DLGAP1: variants seen among roughly 807,000 people sequenced by gnomAD.
DLGAP1 encodes the protein disks large-associated protein 1.
DLGAP1 carries 11 observed loss-of-function variants against 90.8 expected under a neutral mutation model. The observed-to-expected ratio is 0.12, with a 90% CI of 0.08 to 0.20. DLGAP1 has a LOEUF of 0.20. Ranked by LOEUF, DLGAP1 falls within the 10% of genes least tolerant of loss-of-function variation. The pLI, the probability that DLGAP1 is intolerant of heterozygous loss-of-function variation, is 1.00. For synonymous variants in DLGAP1, 558 were observed against 540.7 expected (o/e 1.03, Z -0.44); for missense variants, 1,050 against 1,333.8 (o/e 0.79, Z 3.31).
At chr18:4,278,948 C>T (rs2079484208) in intron 1 of DLGAP1, among the ~76,000 whole-genome samples, 1 of 152,116 alleles carries the variant, frequency 6.6e-6, no homozygotes, top group Non-Finnish European at 1.5e-5. Context: ...CTTAAAATAC[C>T]TCTTCCTCTA....
chr18:3,856,112 T>A (rs9944918), intron 4 of DLGAP1, among the ~76,000 whole-genome samples: 2 of 152,196 alleles, frequency 1.3e-5, no homozygotes, highest in Non-Finnish European at 2.9e-5. Flanking sequence ...TTTGCATGAC[T>A]GTTGGCCTGG....
In DLGAP1 at chr18:4,100,409, A is replaced by C. The variant is rs866433365; in HGVS notation, c.-159+50771T>G. On this transcript the variant is annotated intron_variant, in intron 2 of 12. Transcript: ENST00000315677. Reference sequence around the variant, plus strand: ...CAACAGTGGGCTTGAAATATTCAGTAAGCCATGTTGTAATCAGATATGCTT... The same window carrying C: ...CAACAGTGGGCTTGAAATATTCAGTCAGCCATGTTGTAATCAGATATGCTT... Among the ~76,000 whole-genome samples, 6 of 152,310 alleles carry C rather than the reference A, an allele frequency of 3.9e-5. No individual in the cohort carries two copies. The South Asian group carries it at 6.2e-4, about 16-fold the overall frequency.
intron 5 of DLGAP1, among the ~76,000 whole-genome samples, chr18:3,807,961 T>A (rs1209220230): frequency 6.6e-6 from 1 of 152,172 alleles, no homozygotes; most frequent in East Asian, 1.9e-4. Context: ...AGTAATTATA[T>A]AGCAAGAAAC....
intron 2 of DLGAP1, among the ~76,000 whole-genome samples, chr18:4,125,141 G>A (rs2076212994): frequency 6.6e-6 from 1 of 152,188 alleles, no homozygotes. Flanking sequence ...AAAAAGCACA[G>A]TACCAGGCAT....
chr18:3,618,870 C>T (rs897113775), intron 7 of DLGAP1, among the ~76,000 whole-genome samples: 70 of 149,606 alleles, frequency 4.7e-4, no homozygotes, highest in African/African-American at 1.6e-3. Context: ...ACCTGGGAAG[C>T]GGAGCTGGCA....
intron 12 of DLGAP1, among the ~76,000 whole-genome samples, chr18:3,501,473 TGGAAACGGG>T (rs772146840): frequency 1.3e-5 from 2 of 152,168 alleles, no homozygotes; most frequent in Non-Finnish European, 2.9e-5. Flanking sequence ...GTGACAGAAT[TGGAAACGGG>T]GGACAGTGAT....
At chr18:4,432,531 GAT>G (rs1182679240) in intron 1 of DLGAP1, among the ~76,000 whole-genome samples, 3 of 151,068 alleles carry the variant, frequency 2.0e-5, no homozygotes, top group Non-Finnish European at 2.9e-5. Context: ...TTGATGTTTT[GAT>G]ATATGTGTCC....
chr18:3,547,557 AC>A (rs1292482307), intron 9 of DLGAP1, among the ~76,000 whole-genome samples: 1 of 151,354 alleles, frequency 6.6e-6, no homozygotes, highest in Non-Finnish European at 1.5e-5. Context: ...GATCCACACC[AC>A]AATGACATGC....
intron 2 of DLGAP1, among the ~76,000 whole-genome samples, chr18:4,012,795 G>A (rs934326532): frequency 6.7e-6 from 1 of 150,072 alleles, no homozygotes; most frequent in African/African-American, 2.5e-5. Flanking sequence ...GGCTCATGGT[G>A]TCAAAGGATC....
chr18:4,391,211 A>G (rs1223873260), intron 1 of DLGAP1, among the ~76,000 whole-genome samples: 1 of 152,144 alleles, frequency 6.6e-6, no homozygotes, highest in African/African-American at 2.4e-5. Flanking sequence ...GTTTTTCAAC[A>G]GCACTGAGCA....
chr18:4,293,959 T>C (rs2079912416), intron 1 of DLGAP1: 2 of 152,210 alleles, frequency 1.3e-5, no homozygotes, highest in Admixed American at 1.3e-4. Flanking sequence ...GTATTCTACT[T>C]CTTTCTCCCA....
In DLGAP1 at chr18:3,934,513, CAG is replaced by C. The variant is rs572044923; in HGVS notation, c.-72-54375_-72-54374del. Among the ~76,000 whole-genome samples, 480 of 148,676 alleles carry C rather than the reference CAG, an allele frequency of 3.2e-3. 5 individuals carry two copies. The highest frequency in any genetic ancestry group is 0.014 in the Middle Eastern group (4 of 286). On this transcript the variant is annotated intron_variant, in intron 3 of 12. Coordinates refer to ENST00000315677, the MANE Select transcript of DLGAP1 (RefSeq NM_004746.4). ...GCAGGGAGATAAGAAGAGTGGCAGA[CAG>C]AGAGAGAGAGAGAGAATAATACGTA... is the stretch of plus-strand genomic sequence containing the variant.
At chr18:3,734,165 T>C (rs2062551747) in intron 6 of DLGAP1, among the ~76,000 whole-genome samples, 1 of 152,182 alleles carries the variant, frequency 6.6e-6, no homozygotes, top group Non-Finnish European at 1.5e-5. Flanking sequence ...GGGACTTCTA[T>C]TATCTGTATG....
intron 7 of DLGAP1, among the ~76,000 whole-genome samples, chr18:3,664,213 CACACCCA>C (rs1567923414): frequency 3.8e-4 from 38 of 98,932 alleles, no homozygotes; most frequent in African/African-American, 1.7e-3. Context: ...CACACACACA[CACACCCA>C]CACACACACA....
chr18:4,054,313 AT>A (rs539444103), intron 2 of DLGAP1, among the ~76,000 whole-genome samples: 45 of 152,050 alleles, frequency 3.0e-4, no homozygotes, highest in Non-Finnish European at 2.5e-4. Flanking sequence ...TTTAGAATTG[AT>A]TTTTTTTCTC....
At chr18:4,176,367 G>T (rs1394306283) in intron 1 of DLGAP1, among the ~76,000 whole-genome samples, 1 of 152,132 alleles carries the variant, frequency 6.6e-6, no homozygotes, top group Non-Finnish European at 1.5e-5. Context: ...TAGTCATACA[G>T]CACCTCCACA....
intron 10 of DLGAP1, among the ~76,000 whole-genome samples, chr18:3,514,442 G>C (rs1299799367): frequency 6.6e-6 from 1 of 152,182 alleles, no homozygotes. Flanking sequence ...ACCTCTGACT[G>C]GCTCCCCGTG....
chr18:3,865,646 A>G (rs542955030), intron 4 of DLGAP1, among the ~76,000 whole-genome samples: 37 of 152,338 alleles, frequency 2.4e-4, no homozygotes, highest in African/African-American at 8.7e-4. Flanking sequence ...GCATCATGTT[A>G]TGGTGGAAAG....
intron 1 of DLGAP1, among the ~76,000 whole-genome samples, chr18:4,392,066 A>C (rs1356641036): frequency 1.3e-5 from 2 of 152,230 alleles, no homozygotes; most frequent in Admixed American, 1.3e-4. Flanking sequence ...CCGAAAGTTC[A>C]ATTTCCCCTG....
Sources: gnomAD v4.1 joint callset for allele counts (sites outside exome capture counted in the v4.1 genomes callset) on GRCh38, gnomAD v4.1.1 for gene constraint, MANE v1.5 for transcripts, NCBI Gene and HGNC (gene_info 2026-07-23, HGNC 2026-07-21) for gene names.